VSX2: variants seen among roughly 807,000 people sequenced by gnomAD.
The protein encoded by VSX2 is ceh-10 homeo domain containing homolog.
In VSX2, 28 loss-of-function variants were observed where a neutral mutation model predicts 32.1. That is an observed-to-expected ratio of 0.87 (90% CI 0.65 to 1.20). The LOEUF is 1.20. VSX2 is among the 50% of genes most tolerant of loss of function. The pLI, the probability that VSX2 is intolerant of heterozygous loss-of-function variation, is 0.00. For synonymous variants in VSX2, 243 were observed against 214.1 expected (o/e 1.14, Z -1.18); for missense variants, 506 against 488.7 (o/e 1.04, Z -0.33).
chr14:74,254,873 G>T (rs1034587442), intron 3 of VSX2, among the ~76,000 whole-genome samples: 1 of 147,796 alleles, frequency 6.8e-6, no homozygotes, highest in Non-Finnish European at 1.5e-5. Context: ...TCCACCTCCT[G>T]GGTTCACGCC....
chr14:74,252,260 T>C (rs2079233672), intron 3 of VSX2, among the ~76,000 whole-genome samples: 1 of 152,230 alleles, frequency 6.6e-6, no homozygotes, highest in South Asian at 2.1e-4. Flanking sequence ...TTGCATCCAC[T>C]TGGCAAGAAG....
intron 3 of VSX2, among the ~76,000 whole-genome samples, chr14:74,255,257 G>C (rs1249516717): frequency 1.3e-5 from 2 of 152,190 alleles, no homozygotes; most frequent in Non-Finnish European, 2.9e-5. Context: ...CTTCCAGGAA[G>C]GGAATAGAAA....
intron 3 of VSX2, among the ~76,000 whole-genome samples, chr14:74,255,122 C>T (rs924080117): frequency 2.6e-5 from 4 of 152,190 alleles, no homozygotes; most frequent in Non-Finnish European, 5.9e-5. Context: ...GAGACTGAGA[C>T]TGAGGGAAGT....
chr14:74,254,421 A>T (rs190408267), intron 3 of VSX2, among the ~76,000 whole-genome samples: 259 of 150,960 alleles, frequency 1.7e-3, no homozygotes, highest in African/African-American at 5.8e-3. Context: ...TCTCAAATTT[A>T]AAAAAAAAGA....
At chr14:74,242,454 C>T (rs2079156726) in intron 2 of VSX2, among the ~76,000 whole-genome samples, 1 of 152,202 alleles carries the variant, frequency 6.6e-6, no homozygotes, top group Admixed American at 6.5e-5. Flanking sequence ...CCTATCCTCA[C>T]CCCTTAGGCC....
chr14:74,252,283 C>A (rs772637033), intron 3 of VSX2, among the ~76,000 whole-genome samples: 2 of 152,224 alleles, frequency 1.3e-5, no homozygotes, highest in African/African-American at 2.4e-5. Context: ...CTTCCCTGGG[C>A]CCAGTCTTTC....
At chr14:74,246,295 G>A (rs1467890915) in intron 3 of VSX2, among the ~76,000 whole-genome samples, 1 of 152,220 alleles carries the variant, frequency 6.6e-6, no homozygotes, top group Non-Finnish European at 1.5e-5. Context: ...CTCCTCCCCA[G>A]TCTAGGTTCC....
chr14:74,245,130 C>T (rs1412864543), intron 2 of VSX2, 35 bp from the exon 3 acceptor site: 1 of 1,612,882 alleles, frequency 6.2e-7, no homozygotes, highest in Non-Finnish European at 8.5e-7. Flanking sequence ...CTTTTAGTTT[C>T]TGGGGTCCTG....
chr14:74,253,527 A>G (rs770685385), intron 3 of VSX2, among the ~76,000 whole-genome samples: 16 of 152,256 alleles, frequency 1.1e-4, no homozygotes, highest in Non-Finnish European at 1.8e-4. Flanking sequence ...AGTGTGTTTC[A>G]GTTATCACTA....
rs57885912 is a variant in VSX2 at position 74,244,881 on chromosome 14, AGTGTGT to A, written c.456-240_456-235del. Among the ~76,000 whole-genome samples, 2,915 of 51,116 alleles carry A rather than the reference AGTGTGT, an allele frequency of 0.057. 220 individuals carry two copies. Among genetic ancestry groups the A allele is most frequent in the African/African-American group, 0.091 (1,421 of 15,644 alleles). The allele number at this position is 51,116 out of a possible 152,430, so 33.5% of individuals were successfully genotyped here. ...AACTATGAGACAGAGAGAGAGAGAA[AGTGTGT>A]GTGTGTGTGTGTGTGTGTGTGTGTG... On this transcript the variant is annotated intron_variant, in intron 2 of 4. Transcript: ENST00000261980.
chr14:74,258,525 G>T (rs1383699129), intron 3 of VSX2, among the ~76,000 whole-genome samples: 1 of 152,082 alleles, frequency 6.6e-6, no homozygotes, highest in Admixed American at 6.5e-5. Flanking sequence ...GGGGCGACTC[G>T]CTGCCCCCGG....
intron 3 of VSX2, among the ~76,000 whole-genome samples, chr14:74,250,543 C>T (rs751633863): frequency 1.6e-4 from 24 of 152,144 alleles, no homozygotes; most frequent in Non-Finnish European, 3.1e-4. Context: ...GATTCTCTGC[C>T]GAGCACTGTG....
chr14:74,247,900 G>T (rs375669804), intron 3 of VSX2, among the ~76,000 whole-genome samples: 5 of 151,652 alleles, frequency 3.3e-5, no homozygotes, highest in African/African-American at 1.2e-4. Context: ...GCAAGTCCTC[G>T]CCCTCCCTCG....
chr14:74,244,907 T>TGTGAGAGAGAGAGAGAAAGAGAGAGAAA (rs1555387773), intron 2 of VSX2, among the ~76,000 whole-genome samples: 58 of 106,434 alleles, frequency 5.4e-4, no homozygotes, highest in African/African-American at 2.0e-3. Context: ...TGTGTGTGTG[T>TGTGAGAGAGAGAGAGAAAGAGAGAGAAA]GTGTGTGTGT....
intron 1 of VSX2, 41 bp from the exon 2 acceptor site, chr14:74,241,141 C>T (rs761195749): frequency 6.3e-7 from 1 of 1,597,570 alleles, no homozygotes; most frequent in East Asian, 2.2e-5. Flanking sequence ...CAGCGGAGCG[C>T]GTCCCCCACT....
At chr14:74,243,774 T>C (rs1310181569) in intron 2 of VSX2, among the ~76,000 whole-genome samples, 1 of 151,564 alleles carries the variant, frequency 6.6e-6, no homozygotes, top group East Asian at 1.9e-4. Flanking sequence ...GAGCACAATC[T>C]TTCTTCCCTG....
intron 3 of VSX2, among the ~76,000 whole-genome samples, chr14:74,255,676 C>T (rs80032661): frequency 0.019 from 2,951 of 152,282 alleles, 104 homozygotes; most frequent in African/African-American, 0.065. Flanking sequence ...TGAGAAACTG[C>T]GCCATCTCAA....
intron 3 of VSX2, among the ~76,000 whole-genome samples, chr14:74,246,979 A>T (rs10130040): frequency 6.6e-5 from 10 of 151,822 alleles, no homozygotes; most frequent in Admixed American, 3.3e-4. Context: ...GTTGCCTATA[A>T]GGTGGTATCT....
In VSX2 at chr14:74,261,116, T is replaced by C; in HGVS notation, c.*197T>C. The C allele has an allele frequency of 3.2e-6, 2 of 631,202 alleles. No individual in the cohort carries two copies. The highest frequency in any genetic ancestry group is 2.0e-5 in the South Asian group (1 of 50,892). 39.1% of individuals were successfully genotyped at this position (631,202 alleles called of 1,614,324 possible). A position where few individuals can be genotyped will look rare whatever the true frequency, so the allele number is the denominator to read the frequency against. ...GGACCATGCTGAGACATCCCTCATC[T>C]AGTCTTGACCTCTCCAGCATCCCAG... is the stretch of plus-strand genomic sequence containing the variant. On this transcript the variant is annotated 3_prime_UTR_variant, in exon 5 of 5. Transcript: ENST00000261980.
Sources: allele counts gnomAD v4.1 joint callset (sites outside exome capture counted in the v4.1 genomes callset), GRCh38; gene constraint gnomAD v4.1.1; transcripts MANE v1.5; gene names NCBI Gene and HGNC (gene_info 2026-07-23, HGNC 2026-07-21).